MYDGF: variants seen among roughly 807,000 people sequenced by gnomAD.
MYDGF encodes myeloid derived growth factor.
A neutral mutation model predicts 24.2 loss-of-function variants in MYDGF; 29 were observed. That is an observed-to-expected ratio of 1.20 (90% CI 0.89 to 1.63). The LOEUF (loss-of-function observed/expected upper bound fraction) is 1.63, where lower values mean the gene tolerates loss of function less well. MYDGF is among the 40% of genes most tolerant of loss of function. The pLI is 0.00. For missense variants in MYDGF, 245 were observed against 234.8 expected (o/e 1.04, Z -0.29); for synonymous variants, 105 against 102.5 (o/e 1.02, Z -0.15).
chr19:4,665,842 A>G (rs2088517089), intron 2 of MYDGF, among the ~76,000 whole-genome samples: 1 of 135,510 alleles, frequency 7.4e-6, no homozygotes. Flanking sequence ...AAAAAAAAAA[A>G]AAAAAAAAAG....
chr19:4,664,976 C>A, intron 2 of MYDGF, 39 bp from the exon 3 acceptor site: 1 of 1,601,546 alleles, frequency 6.2e-7, no homozygotes, highest in Non-Finnish European at 8.5e-7. Flanking sequence ...CCCGGACACA[C>A]AGCTGCTCTC....
At chr19:4,667,121 C>A (rs918530277) in intron 2 of MYDGF, among the ~76,000 whole-genome samples, 1 of 102,170 alleles carries the variant, frequency 9.8e-6, no homozygotes, top group Non-Finnish European at 1.8e-5. Context: ...TCAAATCACC[C>A]TTTTTTTTTT....
At chr19:4,667,423 T>C (rs2088530421) in intron 2 of MYDGF, among the ~76,000 whole-genome samples, 1 of 151,968 alleles carries the variant, frequency 6.6e-6, no homozygotes, top group African/African-American at 2.4e-5. Flanking sequence ...CCAGTGCGCC[T>C]GGCTCGCCCG....
At chr19:4,660,842 G>T in intron 3 of MYDGF, 92 bp from the exon 4 acceptor site, 1 of 1,014,170 alleles carries the variant, frequency 9.9e-7, no homozygotes, top group Non-Finnish European at 1.4e-6. Context: ...GACTCGGGCT[G>T]GGGTCAGCAG....
Position 4,660,699 on chromosome 19 carries a change from C to T in MYDGF, c.339G>A (p.Arg113=), listed in dbSNP as rs1227869086. Residue 113 remains arginine, a synonymous_variant, in exon 4 of 6, where the codon CGG becomes CGA. Transcript: ENST00000262947. The part of the protein sequence containing the change: ...LYFTQFKAEV[R]GAEIEYAMAY... The stretch of plus-strand genomic sequence containing the variant: ...CCATGGCGTACTCAATCTCAGCGCC[C>T]CGCACCTCTGCCTTGAACTGTGTGA... The T allele has an allele frequency of 6.2e-7, 1 of 1,613,994 alleles. No homozygotes were observed. Among genetic ancestry groups the T allele is most frequent in the East Asian group, 2.2e-5 (1 of 44,878 alleles).
chr19:4,659,914 T>A lies in MYDGF; in HGVS notation c.442+17A>T, dbSNP rs1449967448. The A allele has an allele frequency of 6.2e-7, 1 of 1,612,080 alleles. No individual in the cohort carries two copies. The highest frequency in any genetic ancestry group is 2.2e-5 in the East Asian group (1 of 44,876). On this transcript the variant is annotated intron_variant, in intron 5 of 5. Coordinates refer to ENST00000262947, the MANE Select transcript of MYDGF (RefSeq NM_019107.4). ...TGGGGGTGGCGTCACCTCTACCCCA[T>A]CCCCATCTTTCCGTACCTGCTGTTT...
Position 4,657,787 on chromosome 19 carries a change from TGA to T in MYDGF, c.*216_*217del. ...GAAGAGCTCAGCAGGAAGTGGGAAC[TGA>T]GAAGCTGTTGGGAGCCAGGAGGGCC... On this transcript the variant is annotated 3_prime_UTR_variant, in exon 6 of 6. Transcript: ENST00000262947. 1 of 432,930 alleles carries T rather than the reference TGA, an allele frequency of 2.3e-6. No individual in the cohort carries two copies. The highest frequency in any genetic ancestry group is 4.2e-6 in the Non-Finnish European group (1 of 237,542). The allele number at this position is 432,930 out of a possible 1,614,324, so 26.8% of individuals were successfully genotyped here. A position where few individuals can be genotyped will look rare whatever the true frequency, so the allele number is the denominator to read the frequency against.
chr19:4,665,540 G>A (rs900315400), intron 2 of MYDGF, among the ~76,000 whole-genome samples: 1 of 152,140 alleles, frequency 6.6e-6, no homozygotes, highest in African/African-American at 2.4e-5. Context: ...TAGATGTCCA[G>A]GCCGGGCGCG....
At chr19:4,665,532 G>A (rs944766428) in intron 2 of MYDGF, among the ~76,000 whole-genome samples, 1 of 151,902 alleles carries the variant, frequency 6.6e-6, no homozygotes, top group Non-Finnish European at 1.5e-5. Flanking sequence ...CATATAAATA[G>A]ATGTCCAGGC....
chr19:4,659,879 C>T (rs747002542), intron 5 of MYDGF, 52 bp downstream of exon 5: 2 of 1,568,870 alleles, frequency 1.3e-6, no homozygotes, highest in Non-Finnish European at 1.8e-6. Flanking sequence ...CCCGATTGCC[C>T]ACCCTTGGAT....
chr19:4,657,905 T>G lies in MYDGF; in HGVS notation c.*100A>C, dbSNP rs2145180993. 4.5e-6 allele frequency: 5 copies of G among 1,119,144 alleles called. No individual in the cohort carries two copies. In the Middle Eastern group the frequency reaches 6.1e-4, roughly 137 times the overall value. 69.3% of individuals were successfully genotyped at this position (1,119,144 alleles called of 1,614,324 possible). A position where few individuals can be genotyped will look rare whatever the true frequency, so the allele number is the denominator to read the frequency against. On this transcript the variant is annotated 3_prime_UTR_variant, in exon 6 of 6. Transcript: ENST00000262947. ...TCAGCCCAGGTAGAAAACTTAAGAG[T>G]CCCTCCTAGAAAACCAGTGATGTGC...
chr19:4,669,886 T>A (rs895677150), intron 1 of MYDGF, among the ~76,000 whole-genome samples: 1 of 151,862 alleles, frequency 6.6e-6, no homozygotes, highest in African/African-American at 2.4e-5. Flanking sequence ...GCCTGGACAC[T>A]CCAGGCAGGC....
chr19:4,658,242 C>T (rs3746031), intron 5 of MYDGF, among the ~76,000 whole-genome samples, 158 bp from the exon 6 acceptor site: 4,864 of 152,232 alleles, frequency 0.032, 134 homozygotes, highest in East Asian at 0.14. Flanking sequence ...GAAAGTCTTA[C>T]GGGTGACAGA....
In MYDGF at chr19:4,670,153, G is replaced by A. The variant is rs147510625; in HGVS notation, c.174+8C>T. 0.027 allele frequency: 41,321 copies of A among 1,516,182 alleles called. 1,000 individuals carry two copies. Among genetic ancestry groups the A allele is most frequent in the East Asian group, 0.13 (4,966 of 36,816 alleles). 93.9% of individuals were successfully genotyped at this position (1,516,182 alleles called of 1,614,324 possible). ...CACTCAAATATCCGGGACGGCGGTG[G>A]CACGTACCCCCGGGCCCACGTTATG... On this transcript the variant is annotated splice_region_variant and intron_variant, in intron 1 of 5. Transcript: ENST00000262947.
chr19:4,660,764 G>C lies in MYDGF; in HGVS notation c.288-14C>G. 1 of 1,611,256 alleles carries C rather than the reference G, an allele frequency of 6.2e-7. No homozygotes were observed. The highest frequency in any genetic ancestry group is 8.5e-7 in the Non-Finnish European group (1 of 1,178,240). On this transcript the variant is annotated splice_polypyrimidine_tract_variant and intron_variant, in intron 3 of 5. Transcript: ENST00000262947. ...TTCCCCTGGGGCCTGCAGAGGAAGA[G>C]GGGGCGAGGGAGTCAGGCCAGGCCT...
At chr19:4,662,524 C>T (rs1018431446) in intron 3 of MYDGF, among the ~76,000 whole-genome samples, 6 of 152,106 alleles carry the variant, frequency 3.9e-5, no homozygotes, top group African/African-American at 9.7e-5. Flanking sequence ...CGAGTGGAGC[C>T]GGGATAAGCC....
intron 5 of MYDGF, among the ~76,000 whole-genome samples, chr19:4,658,630 A>G (rs1384639978): frequency 1.3e-5 from 2 of 152,032 alleles, no homozygotes; most frequent in African/African-American, 2.4e-5. Flanking sequence ...TCTGCTTAGC[A>G]TTGGCGCCAT....
At position 4,670,283 on chromosome 19, in the gene MYDGF, C is replaced by G. The variant is rs1369070264; in HGVS notation, c.52G>C (p.Ala18Pro). The G allele has an allele frequency of 2.0e-6, 3 of 1,532,546 alleles. No homozygotes were observed. The South Asian group carries it at 3.6e-5, about 19-fold the overall frequency. The allele number at this position is 1,532,546 out of a possible 1,614,324, so 94.9% of individuals were successfully genotyped here. ...WNGVGASLWA[A>P]LLLGAVALRP... Reference sequence around the variant, plus strand: ...AGCGCCACGGCCCCTAGGAGCAGCGCGGCCCACAAGCTCGCGCCGACGCCG... The same window carrying G: ...AGCGCCACGGCCCCTAGGAGCAGCGGGGCCCACAAGCTCGCGCCGACGCCG... The change falls in exon 1 of 6, where the codon GCG becomes CCG. Residue 18 changes from alanine to proline, a missense_variant. Physicochemically the swap from Ala to Pro is conservative, Grantham distance 27. Coordinates refer to ENST00000262947, the MANE Select transcript of MYDGF (RefSeq NM_019107.4).
At chr19:4,670,044 T>A in intron 1 of MYDGF, 117 bp downstream of exon 1, 1 of 1,163,204 alleles carries the variant, frequency 8.6e-7, no homozygotes, top group East Asian at 3.2e-5. Flanking sequence ...TCCGCACCCC[T>A]TCTTCAGTAC....
Sources: allele counts gnomAD v4.1 joint callset (sites outside exome capture counted in the v4.1 genomes callset), GRCh38; gene constraint gnomAD v4.1.1; transcripts MANE v1.5; gene names NCBI Gene and HGNC (gene_info 2026-07-23, HGNC 2026-07-21).